KIF21A: variants seen among roughly 807,000 people sequenced by gnomAD.
KIF21A encodes kinesin-like protein KIF21A.
A neutral mutation model predicts 202.9 loss-of-function variants in KIF21A; 114 were observed. The ratio of observed to expected loss-of-function variants is 0.56; its 90% CI spans 0.48 to 0.66. The LOEUF (loss-of-function observed/expected upper bound fraction) is 0.66. KIF21A is among the 30% of genes least tolerant of loss of function. The pLI is 0.00. For missense variants in KIF21A, 1,677 were observed against 1,994.9 expected (o/e 0.84, Z 3.04); for synonymous variants, 667 against 670.8 (o/e 0.99, Z 0.09).
rs148234672 is a variant in KIF21A at position 39,321,172 on chromosome 12, C to A, written c.3672-1159G>T. Among the ~76,000 whole-genome samples the A allele has an allele frequency of 3.1e-4, 47 of 152,220 alleles. No individual in the cohort carries two copies. In the East Asian group the frequency reaches 7.7e-3, roughly 25 times the overall value. ...CAGTAATGGCTTATAAGAGTTACTG[C>A]ACCAAGTGAGTGACCAAACTCTCAC... is the stretch of plus-strand genomic sequence containing the variant. On this transcript the variant is annotated intron_variant, in intron 27 of 37. Transcript: ENST00000361418.
In KIF21A at chr12:39,357,044, C is replaced by T. The variant is rs1948829352; in HGVS notation, c.1406-149G>A. 9.2e-6 allele frequency: 6 copies of T among 651,126 alleles called. No individual in the cohort carries two copies. The South Asian group carries it at 1.2e-4, about 13-fold the overall frequency. 40.3% of individuals were successfully genotyped at this position (651,126 alleles called of 1,614,324 possible). A position where few individuals can be genotyped will look rare whatever the true frequency, so the allele number is the denominator to read the frequency against. ...TACCCTTTATTACATGAGCAGACCA[C>T]AAGATAATATGATTACAAAGGGAAT... On this transcript the variant is annotated intron_variant, in intron 9 of 37. Transcript: ENST00000361418.
At chr12:39,327,275 T>C (rs1033055441) in intron 24 of KIF21A, among the ~76,000 whole-genome samples, 1 of 152,326 alleles carries the variant, frequency 6.6e-6, no homozygotes, top group Admixed American at 6.5e-5. Context: ...GTTCTCTTCC[T>C]TTCTCATTGT....
chr12:39,383,054 A>G (rs1409693489), intron 1 of KIF21A, among the ~76,000 whole-genome samples: 1 of 152,230 alleles, frequency 6.6e-6, no homozygotes, highest in Non-Finnish European at 1.5e-5. Context: ...AAAGATCCTT[A>G]GCAAGTGGGC....
At chr12:39,408,847 T>C (rs1326285777) in intron 1 of KIF21A, among the ~76,000 whole-genome samples, 2 of 149,806 alleles carry the variant, frequency 1.3e-5, no homozygotes, top group Non-Finnish European at 3.0e-5. Flanking sequence ...GGAGACAGGG[T>C]CCCACTCTGT....
In KIF21A at chr12:39,357,406, T is replaced by C. The variant is rs771773477; in HGVS notation, c.1247A>G (p.Glu416Gly). The C allele has an allele frequency of 4.3e-6, 7 of 1,614,140 alleles. No individual in the cohort carries two copies. Among genetic ancestry groups the C allele is most frequent in the Non-Finnish European group, 5.9e-6 (7 of 1,179,976 alleles). ...CTCATGAAACATGTCATTGATGCTT[T>C]CCACACCCTCTTCGTCAATTATTCT... is the stretch of plus-strand genomic sequence containing the variant. ...GKRIIDEEGV[E>G]SINDMFHENA... The change falls in exon 9 of 38, where the codon GAA (glutamate) becomes GGA (glycine). Residue 416 changes from glutamate (E) to glycine (G), a missense_variant. Around this residue, in one of 3 missense-constraint regions of KIF21A, gnomAD observed 966 missense variants for 1,180.9 expected, o/e 0.82. Coordinates refer to ENST00000361418, the MANE Select transcript of KIF21A (RefSeq NM_001173464.2).
intron 3 of KIF21A, 114 bp from the exon 4 acceptor site, chr12:39,368,146 CAT>C: frequency 7.4e-6 from 5 of 677,418 alleles, no homozygotes; most frequent in South Asian, 1.8e-5. Flanking sequence ...TTCAAAATGA[CAT>C]ATTTTTTCAA....
rs1948423378 is a variant in KIF21A at position 39,351,995 on chromosome 12, T to C, written c.1470-15A>G. The C allele has an allele frequency of 1.3e-6, 2 of 1,568,378 alleles. No homozygotes were observed. Among genetic ancestry groups the C allele is most frequent in the East Asian group, 4.5e-5 (2 of 44,612 alleles). On this transcript the variant is annotated splice_polypyrimidine_tract_variant and intron_variant, in intron 10 of 37. Coordinates refer to ENST00000361418, the MANE Select transcript of KIF21A (RefSeq NM_001173464.2). ...ATAATTTTGCCCTAGCAAATAAAAA[T>C]ATATTTAAATAGGGAGCATTTTTCT... is the stretch of plus-strand genomic sequence containing the variant.
At position 39,367,873 on chromosome 12, in the gene KIF21A, T is replaced by C. The variant is rs1479381741; in HGVS notation, c.600+10A>G. Reference sequence around the variant, plus strand: ...ACTATGCTCTGTTTTAACTATAATATAAATATTACCTCTGATTCTGTATTC... The same window carrying C: ...ACTATGCTCTGTTTTAACTATAATACAAATATTACCTCTGATTCTGTATTC... On this transcript the variant is annotated intron_variant, in intron 4 of 37. Transcript: ENST00000361418. The C allele has an allele frequency of 6.2e-7, 1 of 1,602,450 alleles. No individual in the cohort carries two copies. Among genetic ancestry groups the C allele is most frequent in the South Asian group, 1.1e-5 (1 of 90,574 alleles).
chr12:39,408,008 T>C (rs540345701), intron 1 of KIF21A, among the ~76,000 whole-genome samples: 24 of 151,430 alleles, frequency 1.6e-4, no homozygotes, highest in African/African-American at 4.8e-4. Context: ...AAACAGATAA[T>C]GGAAAAAAAA....
At chr12:39,334,200 C>CAAA (rs576176350) in intron 17 of KIF21A, among the ~76,000 whole-genome samples, 93 of 63,596 alleles carry the variant, frequency 1.5e-3, no homozygotes, top group African/African-American at 2.5e-3. Context: ...GACTCCATCT[C>CAAA]AAAAAAAAAA....
At chr12:39,374,272 A>G (rs1367500957) in intron 1 of KIF21A, among the ~76,000 whole-genome samples, 1 of 152,190 alleles carries the variant, frequency 6.6e-6, no homozygotes, top group East Asian at 1.9e-4. Flanking sequence ...TCTGTAAAAG[A>G]GAAAGTTAGA....
At chr12:39,416,935 T>G (rs2140158204) in intron 1 of KIF21A, among the ~76,000 whole-genome samples, 1 of 149,972 alleles carries the variant, frequency 6.7e-6, no homozygotes, top group African/African-American at 2.4e-5. Context: ...ATAAAAAAAT[T>G]TTAAAAAACC....
In KIF21A at chr12:39,417,777, A is replaced by AAT. The variant is rs929120223; in HGVS notation, c.44+25148_44+25149dup. On this transcript the variant is annotated intron_variant, in intron 1 of 37. Transcript: ENST00000361418. ...TAGGGCAGCAACAAAGGGAATGGAA[A>AAT]ATATATATATATTATTAATATAAAA... Among the ~76,000 whole-genome samples, 20 of 152,020 alleles carry AAT rather than the reference A, an allele frequency of 1.3e-4. No homozygotes were observed. The East Asian group carries it at 2.1e-3, about 16-fold the overall frequency.
intron 1 of KIF21A, among the ~76,000 whole-genome samples, chr12:39,416,704 T>TATATGTGTGTATATATATGTAC (rs1566267241): frequency 1.1e-5 from 1 of 93,704 alleles, no homozygotes; most frequent in African/African-American, 6.6e-5. Flanking sequence ...TATATGTACA[T>TATATGTGTGTATATATATGTAC]ATATATGTGT....
intron 16 of KIF21A, among the ~76,000 whole-genome samples, chr12:39,339,463 T>C (rs1389568120): frequency 6.6e-6 from 1 of 152,158 alleles, no homozygotes; most frequent in Admixed American, 6.5e-5. Context: ...TTTGTATAAG[T>C]ACACTCCATG....
intron 1 of KIF21A, among the ~76,000 whole-genome samples, chr12:39,374,122 C>T (rs983685173): frequency 1.3e-5 from 2 of 152,136 alleles, no homozygotes; most frequent in African/African-American, 2.4e-5. Context: ...TAAATTAATA[C>T]TCAAGTCAAT....
At chr12:39,341,479 T>C in intron 14 of KIF21A, 26 bp downstream of exon 14, 2 of 1,608,468 alleles carry the variant, frequency 1.2e-6, no homozygotes, top group Non-Finnish European at 1.7e-6. Context: ...AAATGAATTT[T>C]TGCCCTTATA....
In KIF21A at chr12:39,322,774, C is replaced by G. The variant is rs1262449822; in HGVS notation, c.3565G>C (p.Val1189Leu). ...ATTCCAATCTCTTGCCCTTCTGCAA[C>G]AGGTGTGAGAGGGCCAGGCAAGGAG... The part of the protein sequence containing the change: ...DASLPGPLTP[V>L]AEGQEIGMNT... Residue 1189 changes from valine (V) to leucine (L), a missense_variant, in exon 27 of 38, where the codon GTT (valine) becomes CTT (leucine). Transcript: ENST00000361418. 2 of 1,613,968 alleles carry G rather than the reference C, an allele frequency of 1.2e-6. No individual in the cohort carries two copies. Among genetic ancestry groups the G allele is most frequent in the East Asian group, 2.2e-5 (1 of 44,884 alleles).
At chr12:39,404,859 C>G (rs968701547) in intron 1 of KIF21A, among the ~76,000 whole-genome samples, 4 of 152,104 alleles carry the variant, frequency 2.6e-5, no homozygotes, top group African/African-American at 9.7e-5. Flanking sequence ...TACCTTCATA[C>G]TATTTCAGCA....
Sources: allele counts gnomAD v4.1 joint callset (sites outside exome capture counted in the v4.1 genomes callset), GRCh38; gene constraint gnomAD v4.1.1; regional missense constraint gnomAD v4.1.1; transcripts MANE v1.5; gene names NCBI Gene and HGNC (gene_info 2026-07-23, HGNC 2026-07-21).